The following DDR2 variants were observed in gnomAD, a reference collection of about 807,000 sequenced individuals.
DDR2 encodes discoidin domain-containing receptor 2.
In DDR2, 27 loss-of-function variants were observed where a neutral mutation model predicts 94.9. That is an observed-to-expected ratio of 0.28 (90% CI 0.21 to 0.39). DDR2 has a LOEUF of 0.39. Ranked by LOEUF, DDR2 falls within the 10% of genes least tolerant of loss-of-function variation. DDR2 has a pLI of 1.00. For missense variants in DDR2, 783 were observed against 1,076.0 expected (o/e 0.73, Z 3.81); for synonymous variants, 382 against 377.2 (o/e 1.01, Z -0.15).
chr1:162,659,220 G>A (rs1328195331), intron 2 of DDR2, among the ~76,000 whole-genome samples: 1 of 152,220 alleles, frequency 6.6e-6, no homozygotes, highest in Non-Finnish European at 1.5e-5. Context: ...ACACTCAAGG[G>A]AGGTAAGCAT....
rs553917018 is a variant in DDR2, at chr1:162,648,624, T to TA, written c.-191-6581dup. On this transcript the variant is annotated intron_variant, in intron 1 of 17. Transcript: ENST00000367921. ...GAACAAGGAGCACTGAGGAAAAAATTAAAAAACAAACAAACAAAAACAAAA... is the reference window on the plus strand; with the variant it reads ...GAACAAGGAGCACTGAGGAAAAAATTAAAAAAACAAACAAACAAAAACAAAA... Among the ~76,000 whole-genome samples, 40 of 151,902 alleles carry TA rather than the reference T, an allele frequency of 2.6e-4. 1 individual carries two copies. The highest frequency in any genetic ancestry group is 5.4e-4 in the Non-Finnish European group (37 of 67,946).
chr1:162,692,835 G>A (rs574888082), intron 2 of DDR2, among the ~76,000 whole-genome samples: 1 of 152,294 alleles, frequency 6.6e-6, no homozygotes, highest in South Asian at 2.1e-4. Flanking sequence ...ATAATCCAAT[G>A]AAAATGTATA....
chr1:162,637,846 T>C (rs1057004485), intron 1 of DDR2, among the ~76,000 whole-genome samples: 1 of 152,140 alleles, frequency 6.6e-6, no homozygotes, highest in African/African-American at 2.4e-5. Flanking sequence ...TTCTTGTCCT[T>C]AGGAACTTAG....
chr1:162,645,147 G>A (rs1657345199), intron 1 of DDR2, among the ~76,000 whole-genome samples: 1 of 152,244 alleles, frequency 6.6e-6, no homozygotes, highest in Admixed American at 6.5e-5. Flanking sequence ...CATGCCTGGT[G>A]AACAGGCGGG....
intron 1 of DDR2, among the ~76,000 whole-genome samples, chr1:162,648,447 T>C (rs1017979034): frequency 2.6e-5 from 4 of 151,984 alleles, no homozygotes; most frequent in Non-Finnish European, 5.9e-5. Flanking sequence ...TTTTCTGACA[T>C]TAAATAGAGC....
chr1:162,688,634 C>T (rs1659805297), intron 2 of DDR2, among the ~76,000 whole-genome samples: 1 of 152,218 alleles, frequency 6.6e-6, no homozygotes, highest in African/African-American at 2.4e-5. Flanking sequence ...TAAAAATTCA[C>T]TTGTGTGTGG....
upstream of DDR2, chr1:162,632,216 G>T (rs1011929211): frequency 6.6e-6 from 1 of 151,726 alleles, no homozygotes; most frequent in Non-Finnish European, 1.5e-5. Context: ...AGAAGGGAGC[G>T]GTGTCTTTAA....
intron 2 of DDR2, among the ~76,000 whole-genome samples, chr1:162,690,084 G>T (rs559694236): frequency 6.6e-6 from 1 of 150,932 alleles, no homozygotes; most frequent in South Asian, 2.1e-4. Flanking sequence ...TATCATTTGT[G>T]GCCTTTGTGT....
intron 3 of DDR2, among the ~76,000 whole-genome samples, chr1:162,748,341 G>A (rs1365785878): frequency 6.6e-6 from 1 of 152,078 alleles, no homozygotes; most frequent in Non-Finnish European, 1.5e-5. Context: ...AAAAGGCAGG[G>A]GTTGCAATCC....
intron 2 of DDR2, among the ~76,000 whole-genome samples, chr1:162,700,033 A>G (rs1660361153): frequency 6.6e-6 from 1 of 152,206 alleles, no homozygotes; most frequent in Non-Finnish European, 1.5e-5. Context: ...GTTTTCAAAC[A>G]AAGCATCTGC....
intron 9 of DDR2, among the ~76,000 whole-genome samples, chr1:162,764,537 A>G (rs1663904479): frequency 6.6e-6 from 1 of 152,224 alleles, no homozygotes; most frequent in South Asian, 2.1e-4. Context: ...CAGGTGTAAA[A>G]TAACATAAAA....
intron 7 of DDR2, 39 bp from the exon 8 acceptor site, chr1:162,759,757 T>C (rs748180777): frequency 2.5e-5 from 41 of 1,611,934 alleles, no homozygotes; most frequent in Non-Finnish European, 3.2e-5. Flanking sequence ...TAACTCAGAT[T>C]TCTCTCTCCT....
In DDR2 at chr1:162,787,394, T is replaced by C. The variant is rs902739604; in HGVS notation, c.*7148T>C. ...AAAATATAAAATTAAATGGCATCTATTTTGAACTCTATTCTAGTCTCTCTG... is the reference window on the plus strand; with the variant it reads ...AAAATATAAAATTAAATGGCATCTACTTTGAACTCTATTCTAGTCTCTCTG... On this transcript the variant is annotated 3_prime_UTR_variant, in exon 18 of 18. Transcript: ENST00000367921. The C allele has an allele frequency of 5.3e-5, 8 of 150,156 alleles. No homozygotes were observed. The highest frequency in any genetic ancestry group is 7.4e-5 in the Non-Finnish European group (5 of 67,632). The allele number at this position is 150,156 out of a possible 1,614,324, so 9.3% of individuals were successfully genotyped here.
chr1:162,637,816 T>C (rs1449779881), intron 1 of DDR2, among the ~76,000 whole-genome samples: 2 of 152,030 alleles, frequency 1.3e-5, no homozygotes, highest in African/African-American at 2.4e-5. Flanking sequence ...AAATGAAGGA[T>C]CCAGAAGTAA....
chr1:162,668,485 T>A (rs1045470604), intron 2 of DDR2, among the ~76,000 whole-genome samples: 1 of 152,162 alleles, frequency 6.6e-6, no homozygotes, highest in Non-Finnish European at 1.5e-5. Flanking sequence ...AAGTCCAAGA[T>A]CAAGGTGTCA....
intron 3 of DDR2, among the ~76,000 whole-genome samples, chr1:162,729,300 A>ATATATATTTTT (rs1416872679): frequency 1.1e-5 from 1 of 94,016 alleles, no homozygotes; most frequent in African/African-American, 5.3e-5. Flanking sequence ...ATATATATAT[A>ATATATATTTTT]TTTTTTTTTT....
chr1:162,654,348 A>C (rs1160607245), intron 1 of DDR2, among the ~76,000 whole-genome samples: 3 of 152,066 alleles, frequency 2.0e-5, no homozygotes, highest in Admixed American at 6.6e-5. Flanking sequence ...TAAAAGGCCG[A>C]GGCAAAAGGA....
chr1:162,762,612 A>G (rs1663800241), intron 9 of DDR2, among the ~76,000 whole-genome samples: 1 of 152,176 alleles, frequency 6.6e-6, no homozygotes, highest in Non-Finnish European at 1.5e-5. Flanking sequence ...TAGAGTAACT[A>G]TTCTTCATCA....
intron 11 of DDR2, 23 bp downstream of exon 11, chr1:162,767,382 T>C (rs765779581): frequency 3.7e-6 from 6 of 1,613,014 alleles, no homozygotes; most frequent in Non-Finnish European, 5.1e-6. Flanking sequence ...AGAATGGTCA[T>C]GATATAAGAA....
Sources: gnomAD v4.1 joint callset for allele counts (sites outside exome capture counted in the v4.1 genomes callset) on GRCh38, gnomAD v4.1.1 for gene constraint, MANE v1.5 for transcripts, NCBI Gene and HGNC (gene_info 2026-07-23, HGNC 2026-07-21) for gene names.